FHIT: variants seen among roughly 807,000 people sequenced by gnomAD.
FHIT encodes fragile histidine triad diadenosine triphosphatase, also known as bis(5'-adenosyl)-triphosphatase.
Under a neutral mutation model 17.9 loss-of-function variants are expected in FHIT, and 19 were observed. The observed-to-expected ratio is 1.06, with a 90% CI of 0.74 to 1.56. FHIT has a LOEUF of 1.56. FHIT is among the 40% of genes most tolerant of loss of function. FHIT has a pLI of 0.00. For synonymous variants in FHIT, 81 were observed against 69.7 expected (o/e 1.16, Z -0.81); for missense variants, 248 against 189.2 (o/e 1.31, Z -1.82).
intron 3 of FHIT, among the ~76,000 whole-genome samples, chr3:61,019,265 A>C (rs1359823883): frequency 6.6e-6 from 1 of 152,234 alleles, no homozygotes; most frequent in Non-Finnish European, 1.5e-5. Context: ...CAAAGAGTTG[A>C]GATTGGTTAT....
chr3:60,836,153 T>G (rs2106839714), intron 3 of FHIT, among the ~76,000 whole-genome samples: 1 of 152,338 alleles, frequency 6.6e-6, no homozygotes. Context: ...TCGTGGTATA[T>G]TATTCTTTTA....
At chr3:60,955,388 G>A (rs1482845364) in intron 3 of FHIT, among the ~76,000 whole-genome samples, 1 of 151,796 alleles carries the variant, frequency 6.6e-6, no homozygotes, top group Admixed American at 6.6e-5. Flanking sequence ...TTAGTTCTGG[G>A]GTGAATAGTA....
intron 5 of FHIT, among the ~76,000 whole-genome samples, chr3:60,191,487 G>A (rs1702400941): frequency 6.6e-6 from 1 of 152,170 alleles, no homozygotes; most frequent in African/African-American, 2.4e-5. Flanking sequence ...CATAATGGCA[G>A]TGTACATTGC....
At chr3:59,774,960 G>A (rs981501405) in intron 8 of FHIT, among the ~76,000 whole-genome samples, 8 of 152,150 alleles carry the variant, frequency 5.3e-5, no homozygotes, top group East Asian at 1.9e-4. Context: ...TAAAAATGCC[G>A]GAGCTTAGGC....
At chr3:60,914,542 C>T (rs568357254) in intron 3 of FHIT, among the ~76,000 whole-genome samples, 1 of 151,250 alleles carries the variant, frequency 6.6e-6, no homozygotes, top group South Asian at 2.1e-4. Context: ...ATGAAATACA[C>T]ACAAAGGATA....
chr3:61,060,146 A>T (rs2034375069), intron 2 of FHIT, among the ~76,000 whole-genome samples: 1 of 152,020 alleles, frequency 6.6e-6, no homozygotes, highest in African/African-American at 2.4e-5. Flanking sequence ...TGTTTTTATT[A>T]CTCTTTCTTA....
At chr3:61,178,581 TG>T (rs2107159452) in intron 2 of FHIT, among the ~76,000 whole-genome samples, 1 of 151,480 alleles carries the variant, frequency 6.6e-6, no homozygotes, top group South Asian at 2.1e-4. Flanking sequence ...ACACAGTTAA[TG>T]CAATTAAATA....
chr3:60,937,983 G>C (rs11130799), intron 3 of FHIT, among the ~76,000 whole-genome samples: 46,409 of 151,972 alleles, frequency 0.31, 7,465 homozygotes, highest in East Asian at 0.6. Context: ...CTCACAGAAG[G>C]CCTGAGGGAC....
chr3:60,710,074 T>TA (rs782196858), intron 4 of FHIT, among the ~76,000 whole-genome samples: 17,896 of 80,302 alleles, frequency 0.22, 1,361 homozygotes, highest in Middle Eastern at 0.31. Context: ...CACAGAATGC[T>TA]AAAAAAAAAA....
intron 8 of FHIT, among the ~76,000 whole-genome samples, chr3:59,766,501 ACTT>A (rs1559586407): frequency 6.6e-6 from 1 of 152,108 alleles, no homozygotes; most frequent in African/African-American, 2.4e-5. Context: ...CTTAATTAAA[ACTT>A]CTCTGCCTTA....
At chr3:60,778,245 T>C (rs1700271993) in intron 4 of FHIT, among the ~76,000 whole-genome samples, 2 of 152,250 alleles carry the variant, frequency 1.3e-5, no homozygotes, top group South Asian at 4.1e-4. Flanking sequence ...TAAACTTCTT[T>C]GTCAGTCGTG....
Position 60,504,198 on chromosome 3 carries a change from G to A in FHIT, c.103+32662C>T, listed in dbSNP as rs553570615. Among the ~76,000 whole-genome samples, 309 of 152,294 alleles carry A rather than the reference G, an allele frequency of 2.0e-3. 3 individuals are homozygous for A. Among genetic ancestry groups the A allele is most frequent in the African/African-American group, 6.9e-3 (288 of 41,562 alleles). ...CGCCTGTAATCCCAGCACTTTGGGC[G>A]GCCGAGGCGGGCAGATCATGAGGTC... On this transcript the variant is annotated intron_variant, in intron 5 of 9. Transcript: ENST00000492590.
At chr3:61,249,933 A>AACACACACACACACAC (rs71100943) in intron 1 of FHIT, among the ~76,000 whole-genome samples, 5 of 126,118 alleles carry the variant, frequency 4.0e-5, no homozygotes, top group East Asian at 2.2e-4. Flanking sequence ...AATCAATAAC[A>AACACACACACACACAC]ACACACACAC....
intron 3 of FHIT, among the ~76,000 whole-genome samples, chr3:60,987,071 G>T (rs1710749440): frequency 6.6e-6 from 1 of 152,186 alleles, no homozygotes; most frequent in Admixed American, 6.5e-5. Flanking sequence ...GAGACCATAT[G>T]TGAGCAGTTG....
At chr3:60,913,268 C>A (rs1303289209) in intron 3 of FHIT, among the ~76,000 whole-genome samples, 1 of 152,206 alleles carries the variant, frequency 6.6e-6, no homozygotes, top group African/African-American at 2.4e-5. Flanking sequence ...TGAGCCAGTA[C>A]AGAATTTGAA....
intron 5 of FHIT, among the ~76,000 whole-genome samples, chr3:60,052,813 T>C (rs549935829): frequency 4.6e-4 from 69 of 148,684 alleles, no homozygotes; most frequent in African/African-American, 1.6e-3. Context: ...TATATAAGTA[T>C]ATATTACACA....
chr3:60,797,084 T>G (rs1419328038), intron 4 of FHIT, among the ~76,000 whole-genome samples: 1 of 152,230 alleles, frequency 6.6e-6, no homozygotes, highest in African/African-American at 2.4e-5. Context: ...CAAAGTTGTT[T>G]GCAAAATATT....
At chr3:60,058,602 C>T (rs1434765066) in intron 5 of FHIT, among the ~76,000 whole-genome samples, 2 of 152,088 alleles carry the variant, frequency 1.3e-5, no homozygotes, top group Non-Finnish European at 2.9e-5. Flanking sequence ...CCTGCTTTTC[C>T]CTTTGAAAGA....
At chr3:60,103,056 G>A (rs753604627) in intron 5 of FHIT, among the ~76,000 whole-genome samples, 1 of 152,122 alleles carries the variant, frequency 6.6e-6, no homozygotes, top group Non-Finnish European at 1.5e-5. Context: ...AGACCCCATT[G>A]CTTCTTTTTA....
Sources: gnomAD v4.1 joint callset for allele counts (sites outside exome capture counted in the v4.1 genomes callset) on GRCh38, gnomAD v4.1.1 for gene constraint, MANE v1.5 for transcripts, NCBI Gene and HGNC (gene_info 2026-07-23, HGNC 2026-07-21) for gene names.